Variants in WDFY4 observed in about 807,000 individuals in gnomAD.
WDFY4 encodes WD repeat- and FYVE domain-containing protein 4.
Under a neutral mutation model 351.9 loss-of-function variants are expected in WDFY4, and 169 were observed. The observed-to-expected ratio is 0.48, with a 90% CI of 0.42 to 0.55. WDFY4 has a LOEUF of 0.55. WDFY4 is among the 20% of genes least tolerant of loss of function. The pLI is 0.00. For synonymous variants in WDFY4, 1,622 were observed against 1,574.6 expected, an observed-to-expected ratio of 1.03 and a Z score of -0.71; for missense variants, 3,803 against 3,935.6, an observed-to-expected ratio of 0.97 and a Z score of 0.90.
rs1219246117 is a variant in WDFY4 at position 48,867,335 on chromosome 10, A to G, written c.6734A>G (p.His2245Arg). Reference sequence around the variant, plus strand: ...CTATATGCATCTTTATACAAAGACCATGTGCAAGTAAGAAACAAAACATAG... The same window carrying G: ...CTATATGCATCTTTATACAAAGACCGTGTGCAAGTAAGAAACAAAACATAG... Reference protein sequence around the residue: ...QELYASLYKDHVQRRKCGNIK... With the variant: ...QELYASLYKDRVQRRKCGNIK... Residue 2245 changes from histidine to arginine, a missense_variant, in exon 40 of 62, where the codon CAT (histidine) becomes CGT (arginine). His to Arg is a conservative substitution (Grantham distance 29, BLOSUM62 0). Transcript: ENST00000325239. 3.3e-6 allele frequency: 5 copies of G among 1,496,910 alleles called. No homozygotes were observed. The highest frequency in any genetic ancestry group is 2.2e-5 in the Admixed American group (1 of 45,408). The allele number at this position is 1,496,910 out of a possible 1,614,324, so 92.7% of individuals were successfully genotyped here.
intron 34 of WDFY4, among the ~76,000 whole-genome samples, chr10:48,822,128 A>C (rs554762412): frequency 6.6e-6 from 1 of 152,320 alleles, no homozygotes; most frequent in South Asian, 2.1e-4. Context: ...CCAAAAAGCC[A>C]CAGGAAGAAA....
chr10:48,842,574 G>A (rs551895783), intron 39 of WDFY4, among the ~76,000 whole-genome samples: 3 of 152,296 alleles, frequency 2.0e-5, no homozygotes, highest in African/African-American at 4.8e-5. Flanking sequence ...CAGAGACCCC[G>A]AACTAACAAA....
intron 13 of WDFY4, among the ~76,000 whole-genome samples, chr10:48,773,736 A>T (rs2065940544): frequency 6.6e-6 from 1 of 152,178 alleles, no homozygotes. Context: ...GAGTGGCTTC[A>T]GCAAACGCTT....
At chr10:48,801,432 G>A in intron 24 of WDFY4, 2 of 449,638 alleles carry the variant, frequency 4.4e-6, no homozygotes, top group South Asian at 3.1e-5. Flanking sequence ...CCCCAGGCCT[G>A]GCATATCATT....
chr10:48,829,845 T>C (rs1177916153), intron 37 of WDFY4, among the ~76,000 whole-genome samples: 1 of 152,150 alleles, frequency 6.6e-6, no homozygotes, highest in Non-Finnish European at 1.5e-5. Flanking sequence ...AGAGTAAAAC[T>C]TCATCTCAAA....
intron 12 of WDFY4, chr10:48,745,937 C>G (rs2132433513): frequency 4.4e-6 from 1 of 226,694 alleles, no homozygotes; most frequent in South Asian, 7.1e-5. Context: ...GGGGCCTCAT[C>G]AGGGTTGGTG....
At chr10:48,961,244 C>G (rs1228850447) in intron 53 of WDFY4, among the ~76,000 whole-genome samples, 1 of 152,172 alleles carries the variant, frequency 6.6e-6, no homozygotes, top group Non-Finnish European at 1.5e-5. Flanking sequence ...GTCTTGAGTA[C>G]TTGGGCCAGA....
intron 8 of WDFY4, among the ~76,000 whole-genome samples, chr10:48,729,929 T>G (rs1458073062): frequency 6.6e-6 from 1 of 152,198 alleles, no homozygotes; most frequent in African/African-American, 2.4e-5. Context: ...TTTGAGACAT[T>G]GATTGATTGA....
chr10:48,929,172 A>G (rs962697818), intron 47 of WDFY4, among the ~76,000 whole-genome samples: 2 of 152,126 alleles, frequency 1.3e-5, no homozygotes, highest in South Asian at 4.2e-4. Context: ...TGGAGGAAAC[A>G]TCAAGTGGAA....
Position 48,774,683 on chromosome 10 carries a change from C to G in WDFY4, c.2768+11C>G. ...ACCGGATGTGCTAAGGTACCACATGCTGCATATTCAGTGCCGCCAAGCTGG... is the reference window on the plus strand; with the variant it reads ...ACCGGATGTGCTAAGGTACCACATGGTGCATATTCAGTGCCGCCAAGCTGG... On this transcript the variant is annotated intron_variant, in intron 14 of 61. Coordinates refer to ENST00000325239, the MANE Select transcript of WDFY4 (RefSeq NM_001394531.1). 6.4e-7 allele frequency: 1 copy of G among 1,551,602 alleles called. No individual in the cohort carries two copies. The highest frequency in any genetic ancestry group is 8.7e-7 in the Non-Finnish European group (1 of 1,146,920).
At chr10:48,872,837 T>G (rs1589789278) in intron 40 of WDFY4, among the ~76,000 whole-genome samples, 2 of 152,344 alleles carry the variant, frequency 1.3e-5, no homozygotes, top group East Asian at 3.9e-4. Flanking sequence ...TGCATTACTA[T>G]GAAAGGTTTT....
chr10:48,872,660 G>T (rs1408240300), intron 40 of WDFY4, among the ~76,000 whole-genome samples: 2 of 152,188 alleles, frequency 1.3e-5, no homozygotes, highest in Non-Finnish European at 2.9e-5. Flanking sequence ...GAACTGAACT[G>T]CTTCTTTGAC....
intron 24 of WDFY4, among the ~76,000 whole-genome samples, chr10:48,796,943 C>A (rs2066896101): frequency 6.6e-6 from 1 of 152,160 alleles, no homozygotes; most frequent in Non-Finnish European, 1.5e-5. Context: ...CATGAAGCAT[C>A]ATTTACTGAG....
chr10:48,820,633 AG>A (rs1251286436), intron 33 of WDFY4, among the ~76,000 whole-genome samples, 196 bp downstream of exon 33: 1 of 152,154 alleles, frequency 6.6e-6, no homozygotes, highest in African/African-American at 2.4e-5. Context: ...GCAGAGCCTG[AG>A]GTGGGAGTTT....
chr10:48,864,545 G>T (rs2069471899), intron 39 of WDFY4, among the ~76,000 whole-genome samples: 1 of 152,148 alleles, frequency 6.6e-6, no homozygotes, highest in African/African-American at 2.4e-5. Flanking sequence ...TTTTGTTAAA[G>T]ATTGTTTTGG....
intron 12 of WDFY4, among the ~76,000 whole-genome samples, chr10:48,746,874 T>C (rs1427538288): frequency 6.6e-6 from 1 of 152,186 alleles, no homozygotes; most frequent in African/African-American, 2.4e-5. Flanking sequence ...TTTAAACTTA[T>C]CTCCTGTTAG....
chr10:48,948,420 C>T (rs1841162194), intron 51 of WDFY4, among the ~76,000 whole-genome samples: 1 of 152,154 alleles, frequency 6.6e-6, no homozygotes, highest in African/African-American at 2.4e-5. Context: ...ATGGATTCCG[C>T]CACTGGTTTC....
chr10:48,944,873 C>T (rs761891432), intron 49 of WDFY4, among the ~76,000 whole-genome samples: 2 of 152,094 alleles, frequency 1.3e-5, no homozygotes, highest in Non-Finnish European at 2.9e-5. Flanking sequence ...TTTTGGAAAA[C>T]GGTGAGATCT....
At chr10:48,966,493 C>G in intron 54 of WDFY4, 33 bp from the exon 55 acceptor site, 6 of 1,540,268 alleles carry the variant, frequency 3.9e-6, no homozygotes, top group Non-Finnish European at 5.3e-6. Context: ...GGGCATCTCT[C>G]CCCTCATGTG....
Sources: allele counts gnomAD v4.1 joint callset (sites outside exome capture counted in the v4.1 genomes callset), GRCh38; gene constraint gnomAD v4.1.1; transcripts MANE v1.5; gene names NCBI Gene and HGNC (gene_info 2026-07-23, HGNC 2026-07-21).